Variants in LRPPRC observed in about 807,000 individuals in gnomAD.
LRPPRC encodes leucine-rich PPR motif-containing protein, mitochondrial.
LRPPRC carries 120 observed loss-of-function variants against 180.3 expected under a neutral mutation model. That is an observed-to-expected ratio of 0.67 (90% CI 0.57 to 0.77). The LOEUF (loss-of-function observed/expected upper bound fraction) is 0.77. LRPPRC is among the 30% of genes least tolerant of loss of function. The pLI is 0.00. For synonymous variants in LRPPRC, 723 were observed against 600.0 expected, an observed-to-expected ratio of 1.21 and a Z score of -3.00; for missense variants, 2,012 against 1,657.2, an observed-to-expected ratio of 1.21 and a Z score of -3.72.
At chr2:43,936,452 A>C (rs1665922359) in intron 23 of LRPPRC, among the ~76,000 whole-genome samples, 1 of 152,212 alleles carries the variant, frequency 6.6e-6, no homozygotes, top group African/African-American at 2.4e-5. Flanking sequence ...ATTAGTGAAA[A>C]TCTTTGTAGA....
Position 43,915,232 on chromosome 2 carries a change from TCACACACA to T in LRPPRC, c.3149-2682_3149-2675del, listed in dbSNP as rs375631611. On this transcript the variant is annotated intron_variant, in intron 29 of 37. Coordinates refer to ENST00000260665, the MANE Select transcript of LRPPRC (RefSeq NM_133259.4). ...CTCTCTCTCTCTCTCTCTCTCTCTC[TCACACACA>T]CACACACACACACACACACACACAC... Among the ~76,000 whole-genome samples, 386 of 51,708 alleles carry T rather than the reference TCACACACA, an allele frequency of 7.5e-3. 4 individuals are homozygous for T. Among genetic ancestry groups the T allele is most frequent in the African/African-American group, 0.025 (283 of 11,510 alleles). 33.9% of individuals were successfully genotyped at this position (51,708 alleles called of 152,430 possible). A position where few individuals can be genotyped will look rare whatever the true frequency, so the allele number is the denominator to read the frequency against.
chr2:43,948,168 C>A lies in LRPPRC; in HGVS notation c.1874G>T (p.Gly625Val), dbSNP rs376562322. The change falls in exon 18 of 38, where the codon GGC becomes GTC. Residue 625 changes from glycine (G) to valine (V), a missense_variant. Coordinates refer to ENST00000260665, the MANE Select transcript of LRPPRC (RefSeq NM_133259.4). ...GTAGCTTTCCAGGAGATTACGAATG[C>A]CTCTGTAGATATTTTCAGGAATTTT... ...NVKIPENIYR[G>V]IRNLLESYHV... The A allele has an allele frequency of 1.2e-6, 2 of 1,607,374 alleles. No individual in the cohort carries two copies. Among genetic ancestry groups the A allele is most frequent in the Non-Finnish European group, 1.7e-6 (2 of 1,174,070 alleles).
chr2:43,902,480 T>C (rs965141627), intron 31 of LRPPRC: 7 of 152,144 alleles, frequency 4.6e-5, no homozygotes, highest in African/African-American at 1.7e-4. Flanking sequence ...AGCTTAGTTT[T>C]ACAGAAAAAT....
At chr2:43,927,200 G>A (rs1671910560) in intron 25 of LRPPRC, among the ~76,000 whole-genome samples, 2 of 152,200 alleles carry the variant, frequency 1.3e-5, no homozygotes. Context: ...TCTAGAGGAG[G>A]TATCTTTACT....
chr2:43,990,910 A>T (rs1408244705), intron 1 of LRPPRC, among the ~76,000 whole-genome samples: 2 of 148,740 alleles, frequency 1.3e-5, no homozygotes, highest in African/African-American at 2.5e-5. Context: ...CAATGGCGTG[A>T]TCTCGGCTCA....
intron 34 of LRPPRC, among the ~76,000 whole-genome samples, chr2:43,897,539 G>A (rs1185175994): frequency 6.6e-6 from 1 of 152,154 alleles, no homozygotes; most frequent in Non-Finnish European, 1.5e-5. Flanking sequence ...TGTGAATAAA[G>A]TATTCTTCGC....
At chr2:43,940,017 G>A (rs888674114) in intron 23 of LRPPRC, among the ~76,000 whole-genome samples, 7 of 152,120 alleles carry the variant, frequency 4.6e-5, no homozygotes, top group African/African-American at 1.2e-4. Context: ...CACACTGTCC[G>A]TACTAAGCAC....
rs902402580 is a variant in LRPPRC, at chr2:43,979,943, G to C, written c.352C>G (p.Leu118Val). The C allele has an allele frequency of 8.7e-6, 14 of 1,613,660 alleles. No individual in the cohort carries two copies. Among genetic ancestry groups the C allele is most frequent in the Non-Finnish European group, 1.2e-5 (14 of 1,179,766 alleles). The change falls in exon 3 of 38, where the codon CTA (leucine) becomes GTA (valine). Residue 118 changes from leucine to valine, a missense_variant. Transcript: ENST00000260665. ...AGAAGCAAGGCATGACTACCACCTA[G>C]GCCACCTGTGGAAAAAAGGTTAATG... is the stretch of plus-strand genomic sequence containing the variant. ...VFNDTCRSGGLGGSHALLLLR... is the reference protein window; with the variant it reads ...VFNDTCRSGGVGGSHALLLLR...
At chr2:43,940,093 C>A (rs750172131) in intron 23 of LRPPRC, among the ~76,000 whole-genome samples, 1 of 152,168 alleles carries the variant, frequency 6.6e-6, no homozygotes, top group Non-Finnish European at 1.5e-5. Context: ...TTAATTACGA[C>A]CCAATGATCC....
At chr2:43,947,448 ACTGACTTTC>A in intron 19 of LRPPRC, 78 bp from the exon 20 acceptor site, 1 of 749,178 alleles carries the variant, frequency 1.3e-6, no homozygotes, top group Non-Finnish European at 2.4e-6. Flanking sequence ...TTCCCTTTAA[ACTGACTTTC>A]CTTTCTACCT....
intron 22 of LRPPRC, among the ~76,000 whole-genome samples, chr2:43,944,387 A>G (rs1348239596): frequency 6.6e-6 from 1 of 152,138 alleles, no homozygotes; most frequent in African/African-American, 2.4e-5. Flanking sequence ...AAAAGACTGC[A>G]TGTTAATACA....
chr2:43,915,708 G>A (rs1558931477), intron 29 of LRPPRC, among the ~76,000 whole-genome samples: 1 of 152,060 alleles, frequency 6.6e-6, no homozygotes, highest in Non-Finnish European at 1.5e-5. Flanking sequence ...TGAATAAAAA[G>A]TTATACTATA....
At chr2:43,914,562 T>C (rs893340836) in intron 29 of LRPPRC, among the ~76,000 whole-genome samples, 7 of 151,766 alleles carry the variant, frequency 4.6e-5, no homozygotes, top group African/African-American at 1.5e-4. Flanking sequence ...ACGCGGTCTA[T>C]ACCAAAAATA....
At chr2:43,939,617 TTATTCTG>T (rs1672405272) in intron 23 of LRPPRC, among the ~76,000 whole-genome samples, 1 of 152,208 alleles carries the variant, frequency 6.6e-6, no homozygotes, top group Non-Finnish European at 1.5e-5. Flanking sequence ...TTCACAAAAA[TTATTCTG>T]TTAAGAGAAC....
intron 27 of LRPPRC, among the ~76,000 whole-genome samples, chr2:43,919,103 C>T (rs973058734): frequency 6.6e-6 from 1 of 152,136 alleles, no homozygotes; most frequent in East Asian, 1.9e-4. Context: ...GTCAGATCAG[C>T]GGCAGCATTA....
chr2:43,952,837 C>T (rs569080141), intron 14 of LRPPRC, among the ~76,000 whole-genome samples: 1 of 152,144 alleles, frequency 6.6e-6, no homozygotes, highest in Non-Finnish European at 1.5e-5. Flanking sequence ...TGTTTCCTGT[C>T]CCCCTATCTG....
intron 1 of LRPPRC, among the ~76,000 whole-genome samples, chr2:43,992,525 A>T (rs1008300990): frequency 6.6e-6 from 1 of 152,232 alleles, no homozygotes. Flanking sequence ...TCTGGACCCA[A>T]TGGGAGCCAC....
rs372374729 is a variant in LRPPRC at position 43,901,458 on chromosome 2, C to A, written c.3431G>T (p.Arg1144Leu). The A allele has an allele frequency of 6.2e-7, 1 of 1,613,802 alleles. No individual in the cohort carries two copies. Among genetic ancestry groups the A allele is most frequent in the Admixed American group, 1.7e-5 (1 of 60,006 alleles). The stretch of plus-strand genomic sequence containing the variant: ...CTTCATGGCCAATGCCTGGATGACA[C>A]GGGTCACTGCTAACCTAGAAGGGGT... ...QQTPSRLAVT[R>L]VIQALAMKGD... The change falls in exon 32 of 38, where the codon CGT becomes CTT. Residue 1144 changes from arginine (R) to leucine (L), a missense_variant. Coordinates refer to ENST00000260665, the MANE Select transcript of LRPPRC (RefSeq NM_133259.4).
intron 25 of LRPPRC, among the ~76,000 whole-genome samples, chr2:43,927,981 T>C (rs1186137519): frequency 6.6e-6 from 1 of 151,896 alleles, no homozygotes; most frequent in Non-Finnish European, 1.5e-5. Flanking sequence ...AATAAAAACA[T>C]GGAGAAGAAT....
Sources: allele counts gnomAD v4.1 joint callset (sites outside exome capture counted in the v4.1 genomes callset), GRCh38; gene constraint gnomAD v4.1.1; transcripts MANE v1.5; gene names NCBI Gene and HGNC (gene_info 2026-07-23, HGNC 2026-07-21).